The following VAV3 variants were observed in gnomAD, a reference collection of about 807,000 sequenced individuals.
VAV3 encodes the protein vav guanine nucleotide exchange factor 3.
A neutral mutation model predicts 131.2 loss-of-function variants in VAV3; 94 were observed. The ratio of observed to expected loss-of-function variants is 0.72; its 90% CI spans 0.61 to 0.85. The LOEUF (loss-of-function observed/expected upper bound fraction) is 0.85. VAV3 is among the 40% of genes least tolerant of loss of function. The pLI, the probability that VAV3 is intolerant of heterozygous loss-of-function variation, is 0.00. For missense variants in VAV3, 939 were observed against 1,002.7 expected, an observed-to-expected ratio of 0.94 and a Z score of 0.86; for synonymous variants, 349 against 342.0, an observed-to-expected ratio of 1.02 and a Z score of -0.22.
intron 15 of VAV3, among the ~76,000 whole-genome samples, chr1:107,730,601 T>C (rs988873126): frequency 2.2e-4 from 34 of 152,240 alleles, no homozygotes; most frequent in African/African-American, 7.7e-4. Flanking sequence ...TACTTTGCTC[T>C]AAGGAAATTC....
intron 15 of VAV3, among the ~76,000 whole-genome samples, chr1:107,727,267 T>C (rs1257727063): frequency 1.3e-5 from 2 of 152,246 alleles, no homozygotes; most frequent in Non-Finnish European, 1.5e-5. Context: ...TTTGTTCTCC[T>C]TGACCAGCAT....
chr1:107,838,341 A>T lies in VAV3; in HGVS notation c.321+36560T>A, dbSNP rs1466650311. Among the ~76,000 whole-genome samples, 3 of 152,242 alleles carry T rather than the reference A, an allele frequency of 2.0e-5. No individual in the cohort carries two copies. In the South Asian group the frequency reaches 6.2e-4, roughly 32 times the overall value. On this transcript the variant is annotated intron_variant, in intron 2 of 26. Coordinates refer to ENST00000370056, the MANE Select transcript of VAV3 (RefSeq NM_006113.5). ...AAAAGAGAACACACAAGTCTCCAACAAACATAAATGTTCAACATCACTAAT... is the reference window on the plus strand; with the variant it reads ...AAAAGAGAACACACAAGTCTCCAACTAACATAAATGTTCAACATCACTAAT...
At chr1:107,724,060 C>T (rs1661684027) in intron 15 of VAV3, among the ~76,000 whole-genome samples, 1 of 151,736 alleles carries the variant, frequency 6.6e-6, no homozygotes, top group African/African-American at 2.4e-5. Flanking sequence ...GACTCTTAAC[C>T]CAATATTAAG....
At chr1:107,620,547 T>C (rs781252149) in intron 20 of VAV3, among the ~76,000 whole-genome samples, 2 of 152,184 alleles carry the variant, frequency 1.3e-5, no homozygotes, top group Non-Finnish European at 2.9e-5. Context: ...ATTTACACAA[T>C]GATGCATTTA....
intron 1 of VAV3, among the ~76,000 whole-genome samples, chr1:107,883,394 T>C (rs1571088910): frequency 6.6e-6 from 1 of 152,312 alleles, no homozygotes; most frequent in Admixed American, 6.5e-5. Flanking sequence ...CCAAAGCTTT[T>C]ATAGCACATA....
chr1:107,768,622 T>G lies in VAV3; in HGVS notation c.649-113A>C, dbSNP rs1443297990. ...TTTGAAAGTCAATTGTTGATCAGCA[T>G]TATAAACACCAAAATTGTAGAAACT... On this transcript the variant is annotated intron_variant, in intron 6 of 26. Coordinates refer to ENST00000370056, the MANE Select transcript of VAV3 (RefSeq NM_006113.5). The G allele has an allele frequency of 1.1e-5, 8 of 734,990 alleles. No homozygotes were observed. In the East Asian group the frequency reaches 2.0e-4, roughly 19 times the overall value. 45.5% of individuals were successfully genotyped at this position (734,990 alleles called of 1,614,324 possible). A position where few individuals can be genotyped will look rare whatever the true frequency, so the allele number is the denominator to read the frequency against.
At position 107,574,990 on chromosome 1, in the gene VAV3, TGTGCGTGCGTGCGCGCGCGCGCGC is replaced by T. The variant is rs1558059515; in HGVS notation, c.2351-816_2351-793del. 1.5e-3 allele frequency among the ~76,000 whole-genome samples: 51 copies of T among 35,098 alleles called. 1 individual carries two copies. Among genetic ancestry groups the T allele is most frequent in the African/African-American group, 3.1e-3 (51 of 16,226 alleles). 23.0% of individuals were successfully genotyped at this position (35,098 alleles called of 152,430 possible). A position where few individuals can be genotyped will look rare whatever the true frequency, so the allele number is the denominator to read the frequency against. ...GTGTGTGTGTGTGTGTGTGTGTGTGTGTGCGTGCGTGCGCGCGCGCGCGCGCACACGCGCGCGTGTTTAATATTC... is the reference window on the plus strand; with the variant it reads ...GTGTGTGTGTGTGTGTGTGTGTGTGTGCACACGCGCGCGTGTTTAATATTC... On this transcript the variant is annotated intron_variant, in intron 25 of 26. Coordinates refer to ENST00000370056, the MANE Select transcript of VAV3 (RefSeq NM_006113.5).
rs1474171583 is a variant in VAV3, at chr1:107,757,088, A to G, written c.1086+173T>C. ...CACTAAAAACAAATGTGTATTATACATAGGCATGTCATAATATTTTATTTA... is the reference window on the plus strand; with the variant it reads ...CACTAAAAACAAATGTGTATTATACGTAGGCATGTCATAATATTTTATTTA... On this transcript the variant is annotated intron_variant, in intron 11 of 26. Coordinates refer to ENST00000370056, the MANE Select transcript of VAV3 (RefSeq NM_006113.5). 2.0e-5 allele frequency among the ~76,000 whole-genome samples: 3 copies of G among 151,760 alleles called. No homozygotes were observed. In the East Asian group the frequency reaches 5.8e-4, roughly 29 times the overall value.
chr1:107,854,488 A>T (rs1246824499), intron 2 of VAV3, among the ~76,000 whole-genome samples: 1 of 152,172 alleles, frequency 6.6e-6, no homozygotes, highest in African/African-American at 2.4e-5. Flanking sequence ...TTGCAATCTT[A>T]TGATTATGTT....
chr1:107,885,626 T>A (rs1204871141), intron 1 of VAV3, among the ~76,000 whole-genome samples: 1 of 152,076 alleles, frequency 6.6e-6, no homozygotes, highest in Non-Finnish European at 1.5e-5. Context: ...CTAAGTCTCT[T>A]CCTCCTCATT....
chr1:107,574,739 C>T (rs1271994598), intron 25 of VAV3, among the ~76,000 whole-genome samples: 1 of 152,196 alleles, frequency 6.6e-6, no homozygotes, highest in African/African-American at 2.4e-5. Flanking sequence ...CCTAACAAGG[C>T]TTTCTATGTT....
chr1:107,744,910 C>T (rs185619676), intron 15 of VAV3, among the ~76,000 whole-genome samples: 62 of 152,332 alleles, frequency 4.1e-4, no homozygotes, highest in African/African-American at 9.9e-4. Context: ...AACTTGTACA[C>T]ATTTGCTCAA....
intron 2 of VAV3, among the ~76,000 whole-genome samples, chr1:107,865,601 C>T (rs1669947528): frequency 1.3e-5 from 2 of 152,110 alleles, no homozygotes; most frequent in Admixed American, 6.5e-5. Flanking sequence ...GAAAGGTAGG[C>T]AGAGGCCTGA....
chr1:107,628,175 C>T (rs1299213893), intron 20 of VAV3, among the ~76,000 whole-genome samples: 2 of 152,042 alleles, frequency 1.3e-5, no homozygotes, highest in Non-Finnish European at 2.9e-5. Flanking sequence ...ACATATACAT[C>T]AATGGTTGGA....
chr1:107,795,552 CCT>C (rs1666496766), intron 2 of VAV3, among the ~76,000 whole-genome samples: 1 of 152,042 alleles, frequency 6.6e-6, no homozygotes, highest in Non-Finnish European at 1.5e-5. Context: ...AAATGAATGC[CCT>C]GTCAAAATAT....
Position 107,642,813 on chromosome 1 carries a change from A to G in VAV3, c.1778-58T>C, listed in dbSNP as rs1241721120. The G allele has an allele frequency of 1.9e-6, 3 of 1,598,488 alleles. No homozygotes were observed. In the Admixed American group the frequency reaches 5.4e-5, roughly 29 times the overall value. ...GAAAACAATGATGCATGAAGTCTAC[A>G]TGAACTTTACAAAAAATGTCATTAT... On this transcript the variant is annotated intron_variant, in intron 19 of 26. Coordinates refer to ENST00000370056, the MANE Select transcript of VAV3 (RefSeq NM_006113.5).
chr1:107,738,343 T>C (rs570349239), intron 15 of VAV3, among the ~76,000 whole-genome samples: 1 of 152,174 alleles, frequency 6.6e-6, no homozygotes, highest in African/African-American at 2.4e-5. Context: ...CCCTAGAACT[T>C]AAAGCATATT....
At chr1:107,918,948 C>A (rs1332363570) in intron 1 of VAV3, among the ~76,000 whole-genome samples, 2 of 151,956 alleles carry the variant, frequency 1.3e-5, no homozygotes, top group African/African-American at 4.8e-5. Context: ...CTCAGGTGAT[C>A]CGCCCGCCTC....
chr1:107,601,448 GTTTAAC>G (rs1354359882), intron 24 of VAV3, among the ~76,000 whole-genome samples: 1 of 152,160 alleles, frequency 6.6e-6, no homozygotes. Context: ...CTTACACTCA[GTTTAAC>G]TTTAATGTTA....
Sources: allele counts gnomAD v4.1 joint callset (sites outside exome capture counted in the v4.1 genomes callset), GRCh38; gene constraint gnomAD v4.1.1; transcripts MANE v1.5; gene names NCBI Gene and HGNC (gene_info 2026-07-23, HGNC 2026-07-21).